Variants in HMGA2 observed in about 807,000 individuals in gnomAD.
The protein encoded by HMGA2 is high mobility group AT-hook 2.
HMGA2 carries 8 observed loss-of-function variants against 19.1 expected under a neutral mutation model. The ratio of observed to expected loss-of-function variants is 0.42; its 90% CI spans 0.25 to 0.76. The LOEUF (loss-of-function observed/expected upper bound fraction) is 0.76, where lower values mean the gene tolerates loss of function less well. Among genes scored for constraint, HMGA2 ranks in the 30% least tolerant of loss-of-function variants. HMGA2 has a pLI of 0.28. For synonymous variants in HMGA2, 60 were observed against 48.8 expected (o/e 1.23, Z -0.96); for missense variants, 109 against 136.3 (o/e 0.80, Z 1.00).
At chr12:65,891,517 T>C (rs1873911316) in intron 3 of HMGA2, among the ~76,000 whole-genome samples, 1 of 152,188 alleles carries the variant, frequency 6.6e-6, no homozygotes, top group South Asian at 2.1e-4. Context: ...TGTGGAAGAT[T>C]GGTCCTACGG....
chr12:65,951,323 C>A (rs535485756), intron 3 of HMGA2, 60 bp from the exon 4 acceptor site: 1 of 1,070,234 alleles, frequency 9.3e-7, no homozygotes, highest in African/African-American at 1.6e-5. Context: ...ATATGTACAC[C>A]TAATTTTTTC....
chr12:65,943,389 C>T (rs1386057831), intron 3 of HMGA2, among the ~76,000 whole-genome samples: 2 of 152,142 alleles, frequency 1.3e-5, no homozygotes, highest in African/African-American at 2.4e-5. Context: ...ATCAGCCCCC[C>T]AGTCTGTTCT....
At chr12:65,914,203 T>C (rs1055952163) in intron 3 of HMGA2, among the ~76,000 whole-genome samples, 3 of 152,074 alleles carry the variant, frequency 2.0e-5, no homozygotes, top group African/African-American at 7.2e-5. Flanking sequence ...CGTATGTTTA[T>C]TGCGGCATTA....
rs1478667430 is a variant in HMGA2, at chr12:65,825,591, C to T, written c.111+210C>T. Among the ~76,000 whole-genome samples the T allele has an allele frequency of 2.0e-5, 3 of 151,078 alleles. No homozygotes were observed. The highest frequency in any genetic ancestry group is 2.4e-5 in the African/African-American group (1 of 41,220). On this transcript the variant is annotated intron_variant, in intron 1 of 4. Transcript: ENST00000403681. The surrounding 1 kb of genome is among the most constrained non-coding windows in gnomAD (Gnocchi z 4.4). ...CCCTCCGGGCGGGGAGGTGGGGAGC[C>T]GCGGCGGGCGGCCCGGGGAAGGCGG...
intron 3 of HMGA2, among the ~76,000 whole-genome samples, chr12:65,889,605 G>A (rs994330778): frequency 6.6e-6 from 1 of 152,146 alleles, no homozygotes; most frequent in Non-Finnish European, 1.5e-5. Context: ...GAGTGAATTG[G>A]GCTTTGACTT....
intron 3 of HMGA2, among the ~76,000 whole-genome samples, chr12:65,921,686 C>T (rs183593115): frequency 1.3e-5 from 2 of 152,316 alleles, no homozygotes; most frequent in East Asian, 3.9e-4. Flanking sequence ...TAGCAAGGAG[C>T]CTAATGTTAA....
chr12:65,865,389 T>G (rs1007540386), intron 3 of HMGA2, among the ~76,000 whole-genome samples: 2 of 152,218 alleles, frequency 1.3e-5, no homozygotes, highest in African/African-American at 4.8e-5. Context: ...TTTTATACTA[T>G]ACTTTTACAG....
chr12:65,825,052 T>G lies in HMGA2; in HGVS notation c.-219T>G, dbSNP rs912330656. On this transcript the variant is annotated 5_prime_UTR_variant, in exon 1 of 5. Transcript: ENST00000403681. The surrounding 1 kb of genome is among the most constrained non-coding windows in gnomAD (Gnocchi z 4.4). ...CCGGCAGCGCCTCCTCCTCTCCTCC[T>G]CCTCCTCCCCTCTTCTCTTTTTGGC... The G allele has an allele frequency of 4.5e-5, 21 of 461,902 alleles. No homozygotes were observed. The highest frequency in any genetic ancestry group is 2.7e-4 in the African/African-American group (13 of 48,766). 28.6% of individuals were successfully genotyped at this position (461,902 alleles called of 1,614,324 possible).
At chr12:65,955,725 A>G (rs1176545023) in intron 4 of HMGA2, 1 of 152,220 alleles carries the variant, frequency 6.6e-6, no homozygotes, top group Non-Finnish European at 1.5e-5. Flanking sequence ...CTGGAAACAA[A>G]GCTTTCTGTT....
chr12:65,862,966 G>A (rs1055559966), intron 3 of HMGA2, among the ~76,000 whole-genome samples: 1 of 152,182 alleles, frequency 6.6e-6, no homozygotes, highest in Admixed American at 6.5e-5. Context: ...CCGTCCACAC[G>A]AACTTACGCA....
chr12:65,941,320 A>G (rs1436402179), intron 3 of HMGA2, among the ~76,000 whole-genome samples: 1 of 152,236 alleles, frequency 6.6e-6, no homozygotes, highest in Non-Finnish European at 1.5e-5. Context: ...GGAAGAAGGT[A>G]TCCTCTGGAA....
intron 3 of HMGA2, among the ~76,000 whole-genome samples, chr12:65,930,249 T>C (rs1875661465): frequency 6.6e-6 from 1 of 152,218 alleles, no homozygotes; most frequent in Admixed American, 6.5e-5. Context: ...AAAGGGTCTA[T>C]TGAACTTTGG....
chr12:65,850,989 G>A (rs1871436275), intron 3 of HMGA2, among the ~76,000 whole-genome samples: 1 of 152,170 alleles, frequency 6.6e-6, no homozygotes, highest in Non-Finnish European at 1.5e-5. Flanking sequence ...AATGGTGACA[G>A]AGAACATCTG....
At chr12:65,835,004 A>G (rs1461769033) in intron 2 of HMGA2, among the ~76,000 whole-genome samples, 2 of 152,212 alleles carry the variant, frequency 1.3e-5, no homozygotes, top group Non-Finnish European at 2.9e-5. Flanking sequence ...TAGTGCTGGT[A>G]ACAGTCTGAA....
rs559538624 is a variant in HMGA2, at chr12:65,956,627, C to T, written c.282+5212C>T. 6 of 152,218 alleles carry T rather than the reference C, an allele frequency of 3.9e-5. No homozygotes were observed. In the South Asian group the frequency reaches 1.2e-3, roughly 32 times the overall value. The allele number at this position is 152,218 out of a possible 1,614,324, so 9.4% of individuals were successfully genotyped here. On this transcript the variant is annotated intron_variant, in intron 4 of 4. Coordinates refer to ENST00000403681, the MANE Select transcript of HMGA2 (RefSeq NM_003483.6). ...ACAACTTCTAACAGAAGTGAAAGAA[C>T]ATCAATCAATTTAGGGCAACTTATA...
intron 4 of HMGA2, chr12:65,952,602 G>T: frequency 2.1e-6 from 2 of 932,226 alleles, no homozygotes; most frequent in Non-Finnish European, 1.5e-6. Context: ...AAAAAACCCA[G>T]TGTTTGTGCG....
intron 3 of HMGA2, among the ~76,000 whole-genome samples, chr12:65,940,780 T>C (rs1281973956): frequency 6.6e-6 from 1 of 152,200 alleles, no homozygotes; most frequent in African/African-American, 2.4e-5. Context: ...AGTCAATTAC[T>C]GTCTTTTGGA....
At chr12:65,863,309 C>T (rs961785589) in intron 3 of HMGA2, among the ~76,000 whole-genome samples, 1 of 152,192 alleles carries the variant, frequency 6.6e-6, no homozygotes, top group Non-Finnish European at 1.5e-5. Context: ...AGTCCTGGCT[C>T]CAGAAGTTGG....
chr12:65,910,202 GCTCCTTTCTCTGCC>G (rs1443363768), intron 3 of HMGA2, among the ~76,000 whole-genome samples: 1 of 152,112 alleles, frequency 6.6e-6, no homozygotes, highest in Non-Finnish European at 1.5e-5. Flanking sequence ...CTGAAAACAT[GCTCCTTTCTCTGCC>G]CTTAGTCAGG....
Sources: gnomAD v4.1 joint callset for allele counts (sites outside exome capture counted in the v4.1 genomes callset) on GRCh38, gnomAD v4.1.1 for gene constraint, Gnocchi (gnomAD v3.1) non-coding constraint, MANE v1.5 for transcripts, NCBI Gene and HGNC (gene_info 2026-07-23, HGNC 2026-07-21) for gene names.